The following SLC39A11 variants were observed in gnomAD, a reference collection of about 807,000 sequenced individuals.
SLC39A11 encodes zinc transporter ZIP11.
A neutral mutation model predicts 36.1 loss-of-function variants in SLC39A11; 33 were observed. The ratio of observed to expected loss-of-function variants is 0.91; its 90% CI spans 0.69 to 1.22. The LOEUF (loss-of-function observed/expected upper bound fraction) is 1.22. SLC39A11 is among the 50% of genes most tolerant of loss of function. The pLI, the probability that SLC39A11 is intolerant of heterozygous loss-of-function variation, is 0.00. For missense variants in SLC39A11, 432 were observed against 430.3 expected (o/e 1.00, Z -0.03); for synonymous variants, 166 against 170.3 (o/e 0.97, Z 0.20).
chr17:72,837,181 C>T (rs62071207), intron 6 of SLC39A11, among the ~76,000 whole-genome samples: 1 of 151,834 alleles, frequency 6.6e-6, no homozygotes, highest in African/African-American at 2.4e-5. Context: ...TGCAGCTGTC[C>T]GCAGACTTTT....
At chr17:72,934,757 G>A (rs1354865915) in intron 5 of SLC39A11, among the ~76,000 whole-genome samples, 1 of 152,128 alleles carries the variant, frequency 6.6e-6, no homozygotes, top group African/African-American at 2.4e-5. Context: ...ATGTACAGAT[G>A]GCAAATGAGC....
At chr17:72,818,811 C>T (rs1268374794) in intron 6 of SLC39A11, 2 of 152,144 alleles carry the variant, frequency 1.3e-5, no homozygotes, top group African/African-American at 4.8e-5. Flanking sequence ...TTATATTTGG[C>T]TTATAATCAT....
At chr17:72,782,881 A>T (rs981609995) in intron 6 of SLC39A11, among the ~76,000 whole-genome samples, 1 of 151,394 alleles carries the variant, frequency 6.6e-6, no homozygotes, top group Non-Finnish European at 1.5e-5. Flanking sequence ...GCCCACTTGC[A>T]ATGCTAGCTA....
intron 7 of SLC39A11, among the ~76,000 whole-genome samples, chr17:72,651,669 AG>A (rs1241537677): frequency 6.6e-5 from 10 of 152,212 alleles, no homozygotes. Context: ...AACTGTGAAG[AG>A]GGACAAAGCA....
At chr17:73,088,479 C>T (rs756558428) in intron 2 of SLC39A11, among the ~76,000 whole-genome samples, 178 bp downstream of exon 2, 6 of 152,100 alleles carry the variant, frequency 3.9e-5, no homozygotes, top group South Asian at 2.1e-4. Flanking sequence ...TCTGTTCTCC[C>T]GGCCTGGCAG....
At chr17:72,669,805 G>T (rs2070914379) in intron 7 of SLC39A11, among the ~76,000 whole-genome samples, 1 of 151,868 alleles carries the variant, frequency 6.6e-6, no homozygotes, top group South Asian at 2.1e-4. Context: ...ACCCTCCTGG[G>T]CAACATAGGG....
At position 72,849,713 on chromosome 17, in the gene SLC39A11, C is replaced by A. The variant is rs1245207270; in HGVS notation, c.522G>T (p.Gly174=). The change falls in exon 6 of 10, where the codon GGG becomes GGT. Residue 174 remains glycine, a synonymous_variant. Coordinates refer to ENST00000255559, the MANE Select transcript of SLC39A11 (RefSeq NM_139177.4). ...TGCTGCCGCCGGGCTGTGCCAGATTCCCTCGAGAAGGCACAGGGACAGCAG... is the reference window on the plus strand; with the variant it reads ...TGCTGCCGCCGGGCTGTGCCAGATTACCTCGAGAAGGCACAGGGACAGCAG... The part of the protein sequence containing the change: ...EGPAVPVPSR[G]NLAQPGGSSW... The A allele has an allele frequency of 1.2e-6, 2 of 1,611,836 alleles. No homozygotes were observed. Among genetic ancestry groups the A allele is most frequent in the East Asian group, 4.5e-5 (2 of 44,724 alleles).
chr17:72,881,515 G>C (rs1331498251), intron 5 of SLC39A11, among the ~76,000 whole-genome samples: 1 of 152,182 alleles, frequency 6.6e-6, no homozygotes, highest in Non-Finnish European at 1.5e-5. Context: ...AGGATTTCCA[G>C]AGCCTCTAAA....
At chr17:73,064,748 C>T (rs547211103) in intron 3 of SLC39A11, among the ~76,000 whole-genome samples, 1 of 152,162 alleles carries the variant, frequency 6.6e-6, no homozygotes, top group South Asian at 2.1e-4. Flanking sequence ...CAAGAAAACT[C>T]CTTGATCCAT....
chr17:72,749,987 G>C (rs1042717645), intron 6 of SLC39A11, among the ~76,000 whole-genome samples: 1 of 152,138 alleles, frequency 6.6e-6, no homozygotes, highest in African/African-American at 2.4e-5. Context: ...GGCTCCATTG[G>C]CCCAGCCTCT....
chr17:72,981,073 CT>C (rs917588481), intron 4 of SLC39A11, among the ~76,000 whole-genome samples: 3 of 151,146 alleles, frequency 2.0e-5, no homozygotes, highest in Non-Finnish European at 4.4e-5. Context: ...ATTAAATTTT[CT>C]GGTAGGCACA....
At chr17:72,725,919 G>A (rs1230623499) in intron 7 of SLC39A11, among the ~76,000 whole-genome samples, 1 of 152,200 alleles carries the variant, frequency 6.6e-6, no homozygotes, top group African/African-American at 2.4e-5. Flanking sequence ...CTCAAGGGTG[G>A]GAGGGGCATT....
chr17:73,019,492 T>A (rs942033573), intron 4 of SLC39A11, among the ~76,000 whole-genome samples: 2 of 152,126 alleles, frequency 1.3e-5, no homozygotes, highest in African/African-American at 4.8e-5. Context: ...TAATTCGAGG[T>A]AGACTATGAT....
intron 7 of SLC39A11, among the ~76,000 whole-genome samples, chr17:72,726,951 T>A (rs1291808398): frequency 6.6e-6 from 1 of 152,174 alleles, no homozygotes; most frequent in Non-Finnish European, 1.5e-5. Context: ...GGTCATATCT[T>A]GGGGATGTGT....
At chr17:72,885,121 A>G (rs907430259) in intron 5 of SLC39A11, among the ~76,000 whole-genome samples, 1 of 152,186 alleles carries the variant, frequency 6.6e-6, no homozygotes, top group African/African-American at 2.4e-5. Flanking sequence ...AGGTTATCGA[A>G]ATGGAAGATT....
At chr17:72,793,543 G>GACTA (rs1220010839) in intron 6 of SLC39A11, among the ~76,000 whole-genome samples, 21 of 152,140 alleles carry the variant, frequency 1.4e-4, no homozygotes, top group Admixed American at 1.2e-3. Context: ...GGAGGAAAAG[G>GACTA]ACTAAGGGTA....
chr17:72,905,855 G>A (rs531364778), intron 5 of SLC39A11, among the ~76,000 whole-genome samples: 33 of 152,020 alleles, frequency 2.2e-4, no homozygotes, highest in South Asian at 2.1e-4. Flanking sequence ...CCGGGTTCAC[G>A]CCATTCTCCT....
chr17:72,945,749 A>G (rs1300455100), intron 5 of SLC39A11, among the ~76,000 whole-genome samples: 1 of 152,138 alleles, frequency 6.6e-6, no homozygotes, highest in Non-Finnish European at 1.5e-5. Context: ...GCTACCACTT[A>G]ACTCTGGGTT....
intron 5 of SLC39A11, among the ~76,000 whole-genome samples, chr17:72,868,163 A>C (rs1347585628): frequency 2.0e-5 from 3 of 152,236 alleles, no homozygotes; most frequent in Admixed American, 1.3e-4. Flanking sequence ...TATGTGCCTA[A>C]ATTTAACTTT....
Sources: gnomAD v4.1 joint callset for allele counts (sites outside exome capture counted in the v4.1 genomes callset) on GRCh38, gnomAD v4.1.1 for gene constraint, MANE v1.5 for transcripts, NCBI Gene and HGNC (gene_info 2026-07-23, HGNC 2026-07-21) for gene names.